The following CALN1 variants were observed in gnomAD, a reference collection of about 807,000 sequenced individuals.
The protein encoded by CALN1 is calcium-binding protein 8.
A neutral mutation model predicts 30.6 loss-of-function variants in CALN1; 17 were observed. The observed-to-expected ratio is 0.56, with a 90% confidence interval of 0.38 to 0.83. The LOEUF (loss-of-function observed/expected upper bound fraction) is 0.83, where lower values mean the gene tolerates loss of function less well. Ranked by LOEUF, CALN1 falls within the 40% of genes least tolerant of loss-of-function variation. The pLI, the probability that CALN1 is intolerant of heterozygous loss-of-function variation, is 0.00. For synonymous variants in CALN1, 156 were observed against 131.4 expected (o/e 1.19, Z -1.28); for missense variants, 291 against 354.9 (o/e 0.82, Z 1.45).
intron 2 of CALN1, among the ~76,000 whole-genome samples, chr7:72,284,703 C>T (rs1350948419): frequency 6.6e-6 from 1 of 152,106 alleles, no homozygotes; most frequent in Non-Finnish European, 1.5e-5. Flanking sequence ...TGGAACTATA[C>T]CATTATTTCT....
chr7:72,017,568 T>C (rs1800468705), intron 5 of CALN1, among the ~76,000 whole-genome samples: 1 of 152,192 alleles, frequency 6.6e-6, no homozygotes, highest in African/African-American at 2.4e-5. Context: ...GGACTTCGTG[T>C]GTGCTCGGGA....
intron 5 of CALN1, among the ~76,000 whole-genome samples, chr7:71,948,396 A>T (rs950189895): frequency 2.6e-5 from 4 of 152,266 alleles, no homozygotes; most frequent in African/African-American, 9.6e-5. Flanking sequence ...TGGCCTTCTA[A>T]GAGAGAGTCA....
At chr7:72,106,698 G>A (rs1485113476) in intron 3 of CALN1, among the ~76,000 whole-genome samples, 2 of 23,154 alleles carry the variant, frequency 8.6e-5, no homozygotes, top group South Asian at 2.6e-3. Context: ...GCAAGGGAGG[G>A]AGGAAGGGAG....
intron 2 of CALN1, among the ~76,000 whole-genome samples, chr7:72,383,914 A>AG (rs1805057745): frequency 6.6e-6 from 1 of 152,232 alleles, no homozygotes; most frequent in South Asian, 2.1e-4. Flanking sequence ...TTTGTTACAT[A>AG]GGGATACATG....
At chr7:72,450,794 C>T (rs1397131037), upstream of CALN1, among the ~76,000 whole-genome samples, 2 of 152,180 alleles carry the variant, frequency 1.3e-5, no homozygotes, top group Non-Finnish European at 2.9e-5. Context: ...GCAGAAATCA[C>T]ACCACTGCAC....
chr7:72,379,100 T>G (rs1414063605), intron 2 of CALN1, among the ~76,000 whole-genome samples: 2 of 152,192 alleles, frequency 1.3e-5, no homozygotes, highest in Non-Finnish European at 2.9e-5. Flanking sequence ...TTGTCAAAAT[T>G]TTGTAAAGAA....
chr7:71,979,910 C>T (rs1217573493), intron 5 of CALN1, among the ~76,000 whole-genome samples: 1 of 125,442 alleles, frequency 8.0e-6, no homozygotes, highest in African/African-American at 3.1e-5. Context: ...CAGAGTCTCA[C>T]TCTGTTGCCC....
At chr7:71,865,731 T>C (rs1791546535) in intron 5 of CALN1, among the ~76,000 whole-genome samples, 1 of 152,204 alleles carries the variant, frequency 6.6e-6, no homozygotes, top group Non-Finnish European at 1.5e-5. Context: ...AGGTGCTGTT[T>C]AGTCAAGGGT....
chr7:72,030,009 T>C (rs1195372975), intron 4 of CALN1, among the ~76,000 whole-genome samples: 2 of 152,110 alleles, frequency 1.3e-5, no homozygotes, highest in Admixed American at 6.6e-5. Flanking sequence ...CTGATGCAAA[T>C]GGAAATTGTC....
chr7:72,317,826 C>T (rs1800591477), intron 2 of CALN1, among the ~76,000 whole-genome samples: 1 of 152,162 alleles, frequency 6.6e-6, no homozygotes, highest in East Asian at 1.9e-4. Flanking sequence ...AGGCTCCAGC[C>T]CTGGTAAACA....
chr7:71,967,315 A>G (rs1357622230), intron 5 of CALN1, among the ~76,000 whole-genome samples: 1 of 152,218 alleles, frequency 6.6e-6, no homozygotes, highest in East Asian at 1.9e-4. Context: ...TATGGCAGAA[A>G]ATATCACAAA....
intron 2 of CALN1, among the ~76,000 whole-genome samples, chr7:72,362,963 C>G (rs1241467321): frequency 1.3e-5 from 2 of 152,120 alleles, no homozygotes; most frequent in Non-Finnish European, 2.9e-5. Context: ...GCAGCCTGGC[C>G]CAGATATTAC....
intron 5 of CALN1, among the ~76,000 whole-genome samples, chr7:71,967,563 C>T (rs1260884859): frequency 6.8e-6 from 1 of 147,972 alleles, no homozygotes; most frequent in Non-Finnish European, 1.5e-5. Flanking sequence ...CAAGTCAAGG[C>T]TGCAGTGACC....
At chr7:72,277,973 A>G (rs1379556259) in intron 3 of CALN1, among the ~76,000 whole-genome samples, 5 of 143,918 alleles carry the variant, frequency 3.5e-5, no homozygotes, top group Middle Eastern at 7.4e-3. Context: ...TACCTAGGTA[A>G]AAACATCAGG....
intron 3 of CALN1, among the ~76,000 whole-genome samples, chr7:72,226,582 G>T (rs773405686): frequency 6.6e-6 from 1 of 152,136 alleles, no homozygotes; most frequent in Non-Finnish European, 1.5e-5. Context: ...TGCTTTCAAG[G>T]GTTACATGGA....
chr7:71,953,091 G>C (rs1796777239), intron 5 of CALN1, among the ~76,000 whole-genome samples: 1 of 152,020 alleles, frequency 6.6e-6, no homozygotes, highest in Admixed American at 6.6e-5. Context: ...TGAGTAGCTG[G>C]GACTACAGGC....
intron 5 of CALN1, among the ~76,000 whole-genome samples, chr7:71,876,862 T>C (rs938649727): frequency 2.0e-5 from 3 of 152,226 alleles, no homozygotes; most frequent in African/African-American, 7.2e-5. Context: ...TATCAATGAT[T>C]ACCTTTTATC....
chr7:72,000,664 AAGAAAT>A (rs1376243752), intron 5 of CALN1, among the ~76,000 whole-genome samples: 2 of 151,600 alleles, frequency 1.3e-5, no homozygotes, highest in Admixed American at 6.6e-5. Context: ...CACAAAATAA[AAGAAAT>A]AGAAACACTT....
intron 4 of CALN1, among the ~76,000 whole-genome samples, chr7:72,054,193 A>G (rs1303581638): frequency 2.0e-5 from 3 of 151,886 alleles, no homozygotes; most frequent in Admixed American, 1.3e-4. Context: ...TGGTAGTTCT[A>G]CATTTAGTTC....
Sources: allele counts gnomAD v4.1 joint callset (sites outside exome capture counted in the v4.1 genomes callset), GRCh38; gene constraint gnomAD v4.1.1; transcripts MANE v1.5; gene names NCBI Gene and HGNC (gene_info 2026-07-23, HGNC 2026-07-21).